Variants in RBFOX1 observed in about 807,000 individuals in gnomAD.
RBFOX1 encodes the protein RNA binding protein fox-1 homolog 1.
A neutral mutation model predicts 57.7 loss-of-function variants in RBFOX1; 8 were observed. That is an observed-to-expected ratio of 0.14 (90% CI 0.08 to 0.25). The LOEUF is 0.25. RBFOX1 is among the 10% of genes least tolerant of loss of function. The pLI is 1.00. For synonymous variants in RBFOX1, 326 were observed against 222.4 expected (o/e 1.47, Z -4.15); for missense variants, 611 against 548.5 (o/e 1.11, Z -1.14).
rs561267141 is a variant in RBFOX1 at position 6,853,084 on chromosome 16, C to T, written c.-16+198434C>T. 5.9e-5 allele frequency among the ~76,000 whole-genome samples: 9 copies of T among 152,284 alleles called. No individual in the cohort carries two copies. In the South Asian group the frequency reaches 1.9e-3, roughly 32 times the overall value. On this transcript the variant is annotated intron_variant, in intron 3 of 15. Coordinates refer to ENST00000550418, the MANE Select transcript of RBFOX1 (RefSeq NM_018723.4). ...ACAGCCTCTGGTGTTACCCTTCACACAGTTCTATCCCTCCCTCCATATATA... is the reference window on the plus strand; with the variant it reads ...ACAGCCTCTGGTGTTACCCTTCACATAGTTCTATCCCTCCCTCCATATATA...
intron 1 of RBFOX1, among the ~76,000 whole-genome samples, chr16:6,033,055 T>G (rs2095313054): frequency 6.6e-6 from 1 of 152,164 alleles, no homozygotes; most frequent in Non-Finnish European, 1.5e-5. Flanking sequence ...CCTTGTCGTT[T>G]GTCATCTGAG....
chr16:5,700,260 T>A (rs1333079644), intron 3 of RBFOX1, among the ~76,000 whole-genome samples: 18 of 152,248 alleles, frequency 1.2e-4, no homozygotes, highest in Admixed American at 1.2e-3. Context: ...TGCCTCAGTA[T>A]TCATTATCTT....
At chr16:7,374,535 C>A (rs7188141) in intron 4 of RBFOX1, among the ~76,000 whole-genome samples, 118,279 of 152,098 alleles carry the variant, frequency 0.78, 46,749 homozygotes, top group African/African-American at 0.93. Context: ...CTCAAGGAAT[C>A]TACCTGGCTC....
chr16:5,849,894 T>C (rs2056850633), intron 3 of RBFOX1, among the ~76,000 whole-genome samples: 1 of 152,210 alleles, frequency 6.6e-6, no homozygotes, highest in South Asian at 2.1e-4. Context: ...CTACTCCCAG[T>C]GTAGCCCAGC....
At chr16:5,576,406 C>T (rs1335995278) in intron 2 of RBFOX1, among the ~76,000 whole-genome samples, 1 of 152,168 alleles carries the variant, frequency 6.6e-6, no homozygotes, top group Non-Finnish European at 1.5e-5. Context: ...TTTATATTCA[C>T]CAAGAAGCGT....
At chr16:5,702,274 C>T (rs530258001) in intron 3 of RBFOX1, among the ~76,000 whole-genome samples, 4 of 152,202 alleles carry the variant, frequency 2.6e-5, no homozygotes, top group Non-Finnish European at 5.9e-5. Context: ...CCCTTCTTCA[C>T]ATGCCGGCAG....
In RBFOX1 at chr16:5,876,367, T is replaced by C. The variant is rs2057611305; in HGVS notation, c.351+9032T>C. ...CAGATGAGCATACTGAGGCTTAACA[T>C]GGTTAGTTAAATGAGTCACAAATGT... On this transcript the variant is annotated intron_variant, in intron 4 of 19. Transcript: ENST00000641259. Among the ~76,000 whole-genome samples, 2 of 152,170 alleles carry C rather than the reference T, an allele frequency of 1.3e-5. 1 individual carries two copies. The highest frequency in any genetic ancestry group is 2.9e-5 in the Non-Finnish European group (2 of 68,036).
At chr16:6,881,962 T>A (rs533609107) in intron 3 of RBFOX1, among the ~76,000 whole-genome samples, 1 of 152,294 alleles carries the variant, frequency 6.6e-6, no homozygotes, top group South Asian at 2.1e-4. Flanking sequence ...AGAAGGGAAC[T>A]TGGTTATGGG....
chr16:6,195,501 T>A (rs183368452), intron 1 of RBFOX1, among the ~76,000 whole-genome samples: 2 of 152,240 alleles, frequency 1.3e-5, no homozygotes, highest in Non-Finnish European at 2.9e-5. Flanking sequence ...GCCAATCACC[T>A]GAGGTCGGGA....
intron 4 of RBFOX1, among the ~76,000 whole-genome samples, chr16:7,072,815 C>G (rs1401432389): frequency 1.3e-5 from 2 of 152,186 alleles, no homozygotes. Context: ...TACCGTTGGC[C>G]CAGTTTTATT....
intron 4 of RBFOX1, among the ~76,000 whole-genome samples, chr16:7,329,008 A>T (rs2096649397): frequency 1.3e-5 from 2 of 152,190 alleles, no homozygotes; most frequent in Non-Finnish European, 2.9e-5. Context: ...TGTAAAAATG[A>T]TAGGAATTTA....
intron 3 of RBFOX1, among the ~76,000 whole-genome samples, chr16:6,720,628 A>T (rs2065799863): frequency 6.6e-6 from 1 of 152,040 alleles, no homozygotes; most frequent in African/African-American, 2.4e-5. Context: ...ATAGTTGGGG[A>T]GAAAGAGACG....
At chr16:6,223,175 C>T (rs1454003546) in intron 1 of RBFOX1, among the ~76,000 whole-genome samples, 2 of 150,562 alleles carry the variant, frequency 1.3e-5, no homozygotes, top group Non-Finnish European at 3.0e-5. Context: ...GTGCATGTGT[C>T]TTTATAGCAG....
intron 3 of RBFOX1, among the ~76,000 whole-genome samples, chr16:6,784,202 T>C (rs1014229245): frequency 6.6e-6 from 1 of 152,096 alleles, no homozygotes; most frequent in Non-Finnish European, 1.5e-5. Flanking sequence ...GAATAAACTT[T>C]CTATCCCAAT....
chr16:6,249,006 A>C (rs1227613361), intron 1 of RBFOX1, among the ~76,000 whole-genome samples: 2 of 152,202 alleles, frequency 1.3e-5, no homozygotes, highest in African/African-American at 4.8e-5. Context: ...CATGAGCCGT[A>C]TGTTCATAGA....
At chr16:7,599,587 A>G (rs937344466) in intron 9 of RBFOX1, among the ~76,000 whole-genome samples, 16 of 147,644 alleles carry the variant, frequency 1.1e-4, no homozygotes, top group African/African-American at 5.2e-5. Context: ...CATTATCCCT[A>G]TTTTAGAGGT....
chr16:6,624,873 A>G (rs1451385458), intron 2 of RBFOX1, among the ~76,000 whole-genome samples: 2 of 152,100 alleles, frequency 1.3e-5, no homozygotes, highest in Admixed American at 6.5e-5. Flanking sequence ...CTAAGAAATG[A>G]CATTCTGGGC....
At chr16:7,052,136 A>G (rs138996110) in intron 4 of RBFOX1, 38 bp downstream of exon 4, 1 of 1,581,996 alleles carries the variant, frequency 6.3e-7, no homozygotes, top group Non-Finnish European at 8.5e-7. Context: ...CCTGATTCTC[A>G]TTTTTGTGTG....
rs146989806 is a variant in RBFOX1, at chr16:6,099,811, C to T, written c.-127+79819C>T. On this transcript the variant is annotated intron_variant, in intron 1 of 15. Transcript: ENST00000550418. Reference sequence around the variant, plus strand: ...CTAACCCAACTCCGGGCATCCTTCCCTTTTCTCAAAGACCTCACCCTAATT... The same window carrying T: ...CTAACCCAACTCCGGGCATCCTTCCTTTTTCTCAAAGACCTCACCCTAATT... Among the ~76,000 whole-genome samples the T allele has an allele frequency of 3.9e-5, 6 of 152,284 alleles. No homozygotes were observed. The East Asian group carries it at 9.6e-4, about 24-fold the overall frequency.
Sources: gnomAD v4.1 joint callset for allele counts (sites outside exome capture counted in the v4.1 genomes callset) on GRCh38, gnomAD v4.1.1 for gene constraint, MANE v1.5 for transcripts, NCBI Gene and HGNC (gene_info 2026-07-23, HGNC 2026-07-21) for gene names.